The following SLC30A6 variants were observed in gnomAD, a reference collection of about 807,000 sequenced individuals.
SLC30A6 encodes the protein solute carrier family 30 member 6.
A neutral mutation model predicts 63.0 loss-of-function variants in SLC30A6; 55 were observed. The ratio of observed to expected loss-of-function variants is 0.87; its 90% confidence interval spans 0.70 to 1.09. The LOEUF (loss-of-function observed/expected upper bound fraction) is 1.09. Ranked by LOEUF, SLC30A6 falls within the 50% of genes least tolerant of loss-of-function variation. SLC30A6 has a pLI of 0.00. For synonymous variants in SLC30A6, 224 were observed against 186.1 expected, an observed-to-expected ratio of 1.20 and a Z score of -1.66; for missense variants, 587 against 549.2, an observed-to-expected ratio of 1.07 and a Z score of -0.69.
At position 32,210,761 on chromosome 2, in the gene SLC30A6, A is replaced by T. The variant is rs368552757; in HGVS notation, c.885+1200A>T. On this transcript the variant is annotated intron_variant, in intron 13 of 13. Coordinates refer to ENST00000282587, the MANE Select transcript of SLC30A6 (RefSeq NM_017964.5). Reference sequence around the variant, plus strand: ...ACTTTGCAGTCTTTAGTTTCAGGCTATGCTTTTGTAGTGGGAAAATGGTTG... The same window carrying T: ...ACTTTGCAGTCTTTAGTTTCAGGCTTTGCTTTTGTAGTGGGAAAATGGTTG... Among the ~76,000 whole-genome samples the T allele has an allele frequency of 1.1e-4, 17 of 152,140 alleles. 1 individual carries two copies. The highest frequency in any genetic ancestry group is 9.2e-4 in the Admixed American group (14 of 15,266).
chr2:32,182,817 G>C (rs546531368), intron 4 of SLC30A6, among the ~76,000 whole-genome samples: 1 of 152,124 alleles, frequency 6.6e-6, no homozygotes, highest in Non-Finnish European at 1.5e-5. Context: ...GCATTTTGAC[G>C]CAGCTTAGGT....
intron 5 of SLC30A6, among the ~76,000 whole-genome samples, chr2:32,189,399 C>G (rs1683125445): frequency 6.7e-6 from 1 of 149,932 alleles, no homozygotes; most frequent in South Asian, 2.1e-4. Context: ...TTAAGCGATT[C>G]TTGTGCCTCA....
chr2:32,194,628 C>G (rs1040807364), intron 8 of SLC30A6, among the ~76,000 whole-genome samples: 6 of 152,108 alleles, frequency 3.9e-5, no homozygotes, highest in South Asian at 2.1e-4. Flanking sequence ...GATGTGTGCA[C>G]AGACCCACAC....
intron 13 of SLC30A6, among the ~76,000 whole-genome samples, chr2:32,212,834 G>C (rs567438193): frequency 6.7e-6 from 1 of 150,084 alleles, no homozygotes; most frequent in African/African-American, 2.5e-5. Context: ...CTGACCTCAG[G>C]TGATCTGCTC....
In SLC30A6 at chr2:32,219,842, G is replaced by T. The variant is rs139893451; in HGVS notation, c.886-371G>T. 6.6e-5 allele frequency among the ~76,000 whole-genome samples: 10 copies of T among 152,160 alleles called. 1 individual carries two copies. Among genetic ancestry groups the T allele is most frequent in the African/African-American group, 2.4e-4 (10 of 41,530 alleles). On this transcript the variant is annotated intron_variant, in intron 13 of 13. Transcript: ENST00000282587. ...ATGCGTCTCTACTTTTTGAAATTCT[G>T]TTTAATCACCAACCGTAGATTAAAT...
At chr2:32,203,620 C>T in intron 10 of SLC30A6, 1 of 1,585,214 alleles carries the variant, frequency 6.3e-7, no homozygotes, top group Non-Finnish European at 8.7e-7. Flanking sequence ...TTGGAAAGAA[C>T]TTAACAGAAA....
At chr2:32,219,731 C>T (rs1330763977) in intron 13 of SLC30A6, among the ~76,000 whole-genome samples, 2 of 152,154 alleles carry the variant, frequency 1.3e-5, no homozygotes, top group Non-Finnish European at 2.9e-5. Flanking sequence ...CCACTGCGCC[C>T]GGCCAGGACT....
chr2:32,171,196 A>G, intron 1 of SLC30A6, 91 bp from the exon 2 acceptor site: 1 of 1,000,216 alleles, frequency 1.0e-6, no homozygotes. Context: ...AATATTGGTT[A>G]TTTATATCAT....
intron 8 of SLC30A6, among the ~76,000 whole-genome samples, chr2:32,195,361 C>T (rs1004934872): frequency 2.6e-5 from 4 of 152,084 alleles, no homozygotes; most frequent in Non-Finnish European, 4.4e-5. Context: ...CCACTGCGTC[C>T]GGCCATGTCT....
chr2:32,216,754 G>A (rs1010922858), intron 13 of SLC30A6, among the ~76,000 whole-genome samples: 5 of 151,656 alleles, frequency 3.3e-5, no homozygotes, highest in East Asian at 3.9e-4. Context: ...TTTTAATGGG[G>A]TTGTTTTTTG....
At chr2:32,215,500 T>TTA (rs71407429) in intron 13 of SLC30A6, among the ~76,000 whole-genome samples, 6,576 of 134,258 alleles carry the variant, frequency 0.049, 223 homozygotes, top group African/African-American at 0.07. Context: ...TGGCCATCTA[T>TTA]TATATATATA....
At chr2:32,211,345 T>TA (rs1234471526) in intron 13 of SLC30A6, among the ~76,000 whole-genome samples, 1 of 152,248 alleles carries the variant, frequency 6.6e-6, no homozygotes, top group Non-Finnish European at 1.5e-5. Context: ...ACATTATAAT[T>TA]AAAAATTAGT....
rs941561838 is a variant in SLC30A6 at position 32,223,419 on chromosome 2, A to G, written c.*2706A>G. The G allele has an allele frequency of 1.3e-5, 2 of 152,270 alleles. No individual in the cohort carries two copies. The highest frequency in any genetic ancestry group is 1.9e-4 in the East Asian group (1 of 5,208). 9.4% of individuals were successfully genotyped at this position (152,270 alleles called of 1,614,324 possible). On this transcript the variant is annotated 3_prime_UTR_variant, in exon 14 of 14. Transcript: ENST00000282587. ...TCCAGTTCTGATGCTGCCACTGTGT[A>G]AGGAAGTAGTTTTATAACCCATGGG...
At chr2:32,184,126 C>T (rs1394356761) in intron 4 of SLC30A6, 147 bp from the exon 5 acceptor site, 1 of 275,762 alleles carries the variant, frequency 3.6e-6, no homozygotes, top group Admixed American at 5.2e-5. Context: ...AATTAATTAT[C>T]TTAATAAATT....
intron 8 of SLC30A6, among the ~76,000 whole-genome samples, chr2:32,195,903 A>T (rs1055510737): frequency 6.6e-6 from 1 of 152,112 alleles, no homozygotes; most frequent in Admixed American, 6.6e-5. Context: ...TTGTGACATT[A>T]GCTGGGCTTG....
At chr2:32,183,059 T>A (rs1317352584) in intron 4 of SLC30A6, among the ~76,000 whole-genome samples, 2 of 151,492 alleles carry the variant, frequency 1.3e-5, no homozygotes, top group Non-Finnish European at 1.5e-5. Flanking sequence ...TGGTGGTGCA[T>A]GCCTGTAATC....
intron 13 of SLC30A6, among the ~76,000 whole-genome samples, chr2:32,214,801 C>T (rs995767285): frequency 1.3e-5 from 2 of 152,132 alleles, no homozygotes; most frequent in Non-Finnish European, 2.9e-5. Context: ...AACAGAGTTT[C>T]CTTATTTTAA....
chr2:32,184,325 G>C lies in SLC30A6; in HGVS notation c.271G>C (p.Val91Leu). Residue 91 changes from valine to leucine, a missense_variant, in exon 5 of 14, where the codon GTC (valine) becomes CTC (leucine). Physicochemically the swap from Val to Leu is conservative, Grantham distance 32. Transcript: ENST00000282587. ...GGTAACATTGAGGAAACCTAGCCCT[G>C]TCTATTCATTTGGGTAAGTTCAAAT... ...YWVTLRKPSP[V>L]YSFGFERLEV... 1 of 1,501,336 alleles carries C rather than the reference G, an allele frequency of 6.7e-7. No homozygotes were observed. Among genetic ancestry groups the C allele is most frequent in the Non-Finnish European group, 9.0e-7 (1 of 1,116,064 alleles). The allele number at this position is 1,501,336 out of a possible 1,614,324, so 93.0% of individuals were successfully genotyped here.
At chr2:32,180,415 A>G (rs1682195024) in intron 4 of SLC30A6, among the ~76,000 whole-genome samples, 1 of 151,850 alleles carries the variant, frequency 6.6e-6, no homozygotes, top group Non-Finnish European at 1.5e-5. Context: ...TGTCTCAAAA[A>G]AAAAAAAAAA....
Sources: gnomAD v4.1 joint callset for allele counts (sites outside exome capture counted in the v4.1 genomes callset) on GRCh38, gnomAD v4.1.1 for gene constraint, MANE v1.5 for transcripts, NCBI Gene and HGNC (gene_info 2026-07-23, HGNC 2026-07-21) for gene names.